The following C8B variants were observed in gnomAD, a reference collection of about 807,000 sequenced individuals.
C8B encodes complement component C8 beta chain.
A neutral mutation model predicts 64.6 loss-of-function variants in C8B; 67 were observed. That is an observed-to-expected ratio of 1.04 (90% CI 0.85 to 1.27). C8B has a LOEUF of 1.27. Ranked by LOEUF, C8B falls within the 50% of genes most tolerant of loss-of-function variation. The pLI is 0.00. For synonymous variants in C8B, 284 were observed against 257.7 expected (o/e 1.10, Z -0.98); for missense variants, 790 against 725.2 (o/e 1.09, Z -1.03).
At chr1:56,949,788 T>G in intron 5 of C8B, 36 bp from the exon 6 acceptor site, 1 of 1,472,484 alleles carries the variant, frequency 6.8e-7, no homozygotes, top group East Asian at 2.3e-5. Flanking sequence ...TTTATTTCAT[T>G]TGACTCAAAT....
chr1:56,955,187 G>A (rs1296149286), intron 3 of C8B, among the ~76,000 whole-genome samples: 1 of 152,072 alleles, frequency 6.6e-6, no homozygotes, highest in Non-Finnish European at 1.5e-5. Flanking sequence ...CTGTAAAATA[G>A]GAAAGTAAAA....
chr1:56,933,398 G>A lies in C8B; in HGVS notation c.1489C>T (p.Gln497Ter). The A allele has an allele frequency of 6.2e-7, 1 of 1,613,554 alleles. No individual in the cohort carries two copies. The highest frequency in any genetic ancestry group is 8.5e-7 in the Non-Finnish European group (1 of 1,179,524). ...CAGTGGCAGGAACTAACTTCCTTCTGGAACTCCTCCAGTGCCTGCTTCATG... is the reference window on the plus strand; with the variant it reads ...CAGTGGCAGGAACTAACTTCCTTCTAGAACTCCTCCAGTGCCTGCTTCATG... Reference protein sequence around the residue: ...QNMKQALEEFQKEVSSCHCAP... With the variant: ...QNMKQALEEF Residue 497 changes from glutamine to a stop codon, truncating the protein, a stop_gained, in exon 10 of 12, where the codon CAG (glutamine) becomes TAG (stop). Transcript: ENST00000371237. LOFTEE classifies it high-confidence loss of function.
rs752754320 is a variant in C8B at position 56,933,445 on chromosome 1, TA to T, written c.1441del (p.Tyr481IlefsTer5). 1.3e-5 allele frequency: 21 copies of T among 1,613,772 alleles called. No homozygotes were observed. In the African/African-American group the frequency reaches 2.8e-4, roughly 22 times the overall value. The part of the protein sequence containing the change: ...YELVTATDFA[Y>X]SSTVRQNMKQ... ...CATGTTCTGCCTCACTGTGCTGGAATAGGCAAAATCTGTGGCTGTCACTAGT... is the reference window on the plus strand; with the variant it reads ...CATGTTCTGCCTCACTGTGCTGGAATGGCAAAATCTGTGGCTGTCACTAGT... On this transcript the variant is annotated frameshift_variant, in exon 10 of 12. Coordinates refer to ENST00000371237, the MANE Select transcript of C8B (RefSeq NM_000066.4). LOFTEE classifies it high-confidence loss of function.
At position 56,943,741 on chromosome 1, in the gene C8B, C is replaced by G; in HGVS notation, c.1189G>C (p.Gly397Arg). The G allele has an allele frequency of 6.2e-7, 1 of 1,614,036 alleles. No individual in the cohort carries two copies. The highest frequency in any genetic ancestry group is 8.5e-7 in the Non-Finnish European group (1 of 1,179,992). The change falls in exon 8 of 12, where the codon GGT becomes CGT. Residue 397 changes from glycine to arginine, a missense_variant. Gly to Arg is a moderately radical substitution (Grantham distance 125). Transcript: ENST00000371237. ...CCTCTGCATTTGCCTACAGACACAC[C>G]CAGACTGACGTAGACCTCTTCAATG... is the stretch of plus-strand genomic sequence containing the variant. ...GAIEEVYVSL[G>R]VSVGKCRGIL...
At chr1:56,958,888 A>G (rs934972074) in intron 2 of C8B, among the ~76,000 whole-genome samples, 2 of 152,232 alleles carry the variant, frequency 1.3e-5, no homozygotes, top group Admixed American at 1.3e-4. Context: ...GTCTAAGCCC[A>G]TGGCTGGTTT....
At chr1:56,963,793 T>C in intron 1 of C8B, 1 of 830,040 alleles carries the variant, frequency 1.2e-6, no homozygotes, top group Non-Finnish European at 1.5e-6. Context: ...GTGAGGATTA[T>C]AGCTAATGTT....
At chr1:56,955,941 T>G (rs976144894) in intron 3 of C8B, among the ~76,000 whole-genome samples, 1 of 152,324 alleles carries the variant, frequency 6.6e-6, no homozygotes. Flanking sequence ...TCTGAATGAA[T>G]TGAAAAGTTG....
Position 56,949,697 on chromosome 1 carries a change from T to C in C8B, c.722A>G (p.Glu241Gly). ...TGCCATTTTCTCTGTGACATTGCGT[T>C]CAAAATCTGAGTATGATTCATACTC... ...LKEYESYSDF[E>G]RNVTEKMASK... Residue 241 changes from glutamate to glycine, a missense_variant, in exon 6 of 12, where the codon GAA (glutamate) becomes GGA (glycine). By Grantham distance (98) the Glu-to-Gly change is moderately conservative. Coordinates refer to ENST00000371237, the MANE Select transcript of C8B (RefSeq NM_000066.4). 6.2e-7 allele frequency: 1 copy of C among 1,614,042 alleles called. No homozygotes were observed. Among genetic ancestry groups the C allele is most frequent in the African/African-American group, 1.3e-5 (1 of 75,070 alleles).
rs757827839 is a variant in C8B at position 56,956,749 on chromosome 1, A to G, written c.391+20T>C. The G allele has an allele frequency of 1.9e-6, 3 of 1,613,062 alleles. No homozygotes were observed. Among genetic ancestry groups the G allele is most frequent in the Non-Finnish European group, 2.5e-6 (3 of 1,179,676 alleles). On this transcript the variant is annotated intron_variant, in intron 3 of 11. Transcript: ENST00000371237. ...ACCTCATTTCAGGCTTTCCCCTCTT[A>G]CTCCTACATTGATTTATACCTGTCT... is the stretch of plus-strand genomic sequence containing the variant.
intron 9 of C8B, among the ~76,000 whole-genome samples, chr1:56,939,008 A>G (rs993104171): frequency 6.6e-6 from 1 of 151,972 alleles, no homozygotes; most frequent in African/African-American, 2.4e-5. Flanking sequence ...CTCCTGCAAC[A>G]CTCCCAAAAC....
At chr1:56,963,213 C>T (rs374573454) in intron 1 of C8B, among the ~76,000 whole-genome samples, 5 of 152,112 alleles carry the variant, frequency 3.3e-5, no homozygotes, top group South Asian at 2.1e-4. Context: ...TCCTAACAGG[C>T]GTCTCTGATC....
chr1:56,951,692 A>C (rs1645022869), intron 5 of C8B, among the ~76,000 whole-genome samples: 1 of 152,196 alleles, frequency 6.6e-6, no homozygotes, highest in Admixed American at 6.5e-5. Context: ...TAGGACCTCT[A>C]TAACTCCCAA....
At chr1:56,949,420 C>T (rs112330011) in intron 6 of C8B, 135 bp downstream of exon 6, 35 of 834,872 alleles carry the variant, frequency 4.2e-5, no homozygotes, top group Middle Eastern at 7.0e-4. Flanking sequence ...TGATCTTGGA[C>T]TTCCCAGCCT....
chr1:56,954,844 G>A lies in C8B; in HGVS notation c.392-17C>T, dbSNP rs1411736743. 5 of 1,614,080 alleles carry A rather than the reference G, an allele frequency of 3.1e-6. No homozygotes were observed. Among genetic ancestry groups the A allele is most frequent in the Non-Finnish European group, 4.2e-6 (5 of 1,179,952 alleles). Reference sequence around the variant, plus strand: ...CACACCTTCCTAGAATGGAGAAAGAGTATTACCCACAGCCACATGGTTGGC... The same window carrying A: ...CACACCTTCCTAGAATGGAGAAAGAATATTACCCACAGCCACATGGTTGGC... On this transcript the variant is annotated splice_polypyrimidine_tract_variant and intron_variant, in intron 3 of 11. Coordinates refer to ENST00000371237, the MANE Select transcript of C8B (RefSeq NM_000066.4).
At chr1:56,939,976 A>G (rs950087361) in intron 9 of C8B, among the ~76,000 whole-genome samples, 1 of 151,782 alleles carries the variant, frequency 6.6e-6, no homozygotes. Context: ...TGCTCAAGAC[A>G]TGTTAGTTGT....
chr1:56,962,292 C>A (rs994088393), intron 1 of C8B, among the ~76,000 whole-genome samples: 4 of 152,146 alleles, frequency 2.6e-5, no homozygotes, highest in Non-Finnish European at 4.4e-5. Flanking sequence ...AATGAAGTAA[C>A]CAGCTGAATA....
intron 1 of C8B, among the ~76,000 whole-genome samples, chr1:56,962,435 C>T (rs1484290565): frequency 1.3e-5 from 2 of 152,168 alleles, no homozygotes; most frequent in African/African-American, 4.8e-5. Flanking sequence ...CACATAAATT[C>T]TAGGTTCCCT....
chr1:56,935,683 T>C (rs1159533366), intron 9 of C8B, among the ~76,000 whole-genome samples: 1 of 152,234 alleles, frequency 6.6e-6, no homozygotes, highest in Non-Finnish European at 1.5e-5. Context: ...TATGAGTTCG[T>C]TAGTCTTTTG....
Position 56,952,054 on chromosome 1 carries a change from C to T in C8B, c.660G>A (p.Thr220=), listed in dbSNP as rs370360066. Residue 220 remains threonine, a synonymous_variant, in exon 5 of 12, where the codon ACG becomes ACA. Coordinates refer to ENST00000371237, the MANE Select transcript of C8B (RefSeq NM_000066.4). ...FRKPYNVESY[T]PQTQGKYEFI... ...CTACCTGGCTGTCTCTTACCTGTGG[C>T]GTGTAGCTTTCCACATTGTAGGGCT... The T allele has an allele frequency of 1.5e-5, 24 of 1,614,042 alleles. No individual in the cohort carries two copies. The highest frequency in any genetic ancestry group is 5.0e-5 in the Admixed American group (3 of 60,018).
Sources: allele counts gnomAD v4.1 joint callset (sites outside exome capture counted in the v4.1 genomes callset), GRCh38; gene constraint gnomAD v4.1.1; transcripts MANE v1.5; gene names NCBI Gene and HGNC (gene_info 2026-07-23, HGNC 2026-07-21).